Variants in ARHGAP15 observed in about 807,000 individuals in gnomAD.
ARHGAP15 encodes rho GTPase-activating protein 15.
ARHGAP15 carries 51 observed loss-of-function variants against 63.7 expected under a neutral mutation model. The observed-to-expected ratio is 0.80, with a 90% CI of 0.64 to 1.01. ARHGAP15 has a LOEUF of 1.01. Ranked by LOEUF, ARHGAP15 falls within the 50% of genes least tolerant of loss-of-function variation. The pLI is 0.00. For missense variants in ARHGAP15, 560 were observed against 564.6 expected (o/e 0.99, Z 0.08); for synonymous variants, 191 against 193.8 (o/e 0.99, Z 0.12).
intron 11 of ARHGAP15, among the ~76,000 whole-genome samples, chr2:143,602,486 T>G (rs1013911132): frequency 7.2e-5 from 11 of 152,214 alleles, no homozygotes; most frequent in Admixed American, 2.6e-4. Context: ...TGTTGTTGTT[T>G]TTGTTTGTTT....
Position 143,202,194 on chromosome 2 carries a change from G to C in ARHGAP15, c.226G>C (p.Glu76Gln), listed in dbSNP as rs758074426. The C allele has an allele frequency of 6.2e-7, 1 of 1,611,044 alleles. No homozygotes were observed. Among genetic ancestry groups the C allele is most frequent in the Non-Finnish European group, 8.5e-7 (1 of 1,177,620 alleles). Residue 76 changes from glutamate to glutamine, a missense_variant, in exon 3 of 14, where the codon GAA becomes CAA. Coordinates refer to ENST00000295095, the MANE Select transcript of ARHGAP15 (RefSeq NM_018460.4). ...CTTGAAAGATGTCATTCCTCCATTG[G>C]AACAACTGGTGAGTGTTTAAGTCAT... ...HILKDVIPPL[E>Q]QLMVEKEGYL...
chr2:143,758,937 G>A (rs1686670113), intron 13 of ARHGAP15, among the ~76,000 whole-genome samples: 1 of 152,162 alleles, frequency 6.6e-6, no homozygotes, highest in South Asian at 2.1e-4. Context: ...TTCATGAAGG[G>A]TAAAGTTTGA....
intron 13 of ARHGAP15, among the ~76,000 whole-genome samples, chr2:143,726,390 C>T (rs2105474012): frequency 6.6e-6 from 1 of 151,302 alleles, no homozygotes; most frequent in African/African-American, 2.4e-5. Flanking sequence ...TCTATGCCAT[C>T]TGCAGATTTA....
At chr2:143,252,979 A>G (rs1000383804) in intron 6 of ARHGAP15, among the ~76,000 whole-genome samples, 1 of 152,088 alleles carries the variant, frequency 6.6e-6, no homozygotes, top group South Asian at 2.1e-4. Flanking sequence ...TGGTTTCATT[A>G]CCTGCAGAAT....
intron 12 of ARHGAP15, among the ~76,000 whole-genome samples, chr2:143,627,722 C>G (rs746522938): frequency 6.6e-6 from 1 of 152,092 alleles, no homozygotes; most frequent in Non-Finnish European, 1.5e-5. Context: ...GAGGCTGGGT[C>G]TGGGCCTCTT....
intron 2 of ARHGAP15, among the ~76,000 whole-genome samples, chr2:143,183,862 A>G (rs913254420): frequency 2.0e-5 from 3 of 152,222 alleles, no homozygotes; most frequent in Non-Finnish European, 4.4e-5. Flanking sequence ...TTTATAAATG[A>G]TCAAGTTGGC....
intron 1 of ARHGAP15, among the ~76,000 whole-genome samples, chr2:143,149,236 GGGACCTTCGCTCCTCGTGGT>G (rs1208316459): frequency 3.9e-5 from 6 of 152,034 alleles, no homozygotes; most frequent in East Asian, 3.9e-4. Flanking sequence ...TTAGGCAGAG[GGGACCTTCGCTCCTCGTGGT>G]GGACCTTCGC....
intron 6 of ARHGAP15, among the ~76,000 whole-genome samples, chr2:143,311,251 G>A (rs936908959): frequency 1.3e-5 from 2 of 150,248 alleles, no homozygotes; most frequent in African/African-American, 2.4e-5. Flanking sequence ...AAGACGTCCA[G>A]TTTTAGAAAT....
intron 12 of ARHGAP15, among the ~76,000 whole-genome samples, chr2:143,638,374 C>T (rs959058528): frequency 2.1e-5 from 3 of 145,626 alleles, no homozygotes; most frequent in Non-Finnish European, 4.6e-5. Context: ...AATTGGAAAT[C>T]ATCATTCTCA....
intron 6 of ARHGAP15, among the ~76,000 whole-genome samples, chr2:143,339,119 A>C (rs1397607792): frequency 2.6e-5 from 4 of 152,122 alleles, no homozygotes; most frequent in African/African-American, 9.7e-5. Flanking sequence ...CTTAAATGTC[A>C]TGCCAACTTC....
At chr2:143,173,984 C>A (rs1312916166) in intron 2 of ARHGAP15, among the ~76,000 whole-genome samples, 3 of 152,004 alleles carry the variant, frequency 2.0e-5, no homozygotes, top group African/African-American at 4.8e-5. Context: ...CCCAATTTGC[C>A]CCTCAGATAT....
intron 12 of ARHGAP15, among the ~76,000 whole-genome samples, chr2:143,672,203 G>A (rs1429470740): frequency 1.3e-5 from 2 of 152,030 alleles, no homozygotes; most frequent in South Asian, 4.2e-4. Flanking sequence ...TATAGAGAGA[G>A]TCATTAAGGT....
intron 3 of ARHGAP15, 82 bp downstream of exon 3, chr2:143,202,284 G>C: frequency 8.8e-7 from 1 of 1,133,842 alleles, no homozygotes; most frequent in South Asian, 1.2e-5. Context: ...AACAGCTTAA[G>C]TTATTATCTC....
intron 13 of ARHGAP15, among the ~76,000 whole-genome samples, chr2:143,748,167 A>G (rs1372455007): frequency 6.6e-6 from 1 of 152,204 alleles, no homozygotes; most frequent in Non-Finnish European, 1.5e-5. Flanking sequence ...CTACAACACT[A>G]TGTTGTCTTC....
At chr2:143,321,388 T>C (rs1381014213) in intron 6 of ARHGAP15, among the ~76,000 whole-genome samples, 1 of 152,222 alleles carries the variant, frequency 6.6e-6, no homozygotes, top group East Asian at 1.9e-4. Flanking sequence ...ACTGGTTTTA[T>C]TTATAAACAG....
intron 10 of ARHGAP15, among the ~76,000 whole-genome samples, chr2:143,529,810 A>G (rs551115598): frequency 6.6e-6 from 1 of 152,278 alleles, no homozygotes; most frequent in South Asian, 2.1e-4. Context: ...CTTGAACATC[A>G]TTAGCCCCTT....
At chr2:143,379,690 T>A (rs891663992) in intron 6 of ARHGAP15, among the ~76,000 whole-genome samples, 2 of 151,984 alleles carry the variant, frequency 1.3e-5, no homozygotes, top group Non-Finnish European at 2.9e-5. Context: ...CAACCAAAAG[T>A]TGTCATAAAA....
chr2:143,288,645 C>A (rs954535314), intron 6 of ARHGAP15, among the ~76,000 whole-genome samples: 7 of 150,482 alleles, frequency 4.7e-5, no homozygotes. Context: ...TGTCTGCAGA[C>A]ACCTTAAAGG....
chr2:143,209,445 A>G (rs528813325), intron 3 of ARHGAP15, among the ~76,000 whole-genome samples: 2 of 152,232 alleles, frequency 1.3e-5, no homozygotes, highest in South Asian at 2.1e-4. Flanking sequence ...ATGTGATAAT[A>G]TGCTAACTGG....
Sources: allele counts gnomAD v4.1 joint callset (sites outside exome capture counted in the v4.1 genomes callset), GRCh38; gene constraint gnomAD v4.1.1; transcripts MANE v1.5; gene names NCBI Gene and HGNC (gene_info 2026-07-23, HGNC 2026-07-21).